Variants in ANXA6 observed in about 807,000 individuals in gnomAD.
ANXA6 encodes annexin A6, also known as 67 kDa calelectrin.
In ANXA6, 71 loss-of-function variants were observed where a neutral mutation model predicts 95.4. The observed-to-expected ratio is 0.74, with a 90% CI of 0.61 to 0.91. The LOEUF (loss-of-function observed/expected upper bound fraction) is 0.91, where lower values mean the gene tolerates loss of function less well. ANXA6 is among the 40% of genes least tolerant of loss of function. The probability of loss-of-function intolerance (pLI) is 0.00; values close to 1 mark genes in which losing one functional copy is unlikely to be tolerated. For synonymous variants in ANXA6, 289 were observed against 315.9 expected, an observed-to-expected ratio of 0.91 and a Z score of 0.90; for missense variants, 830 against 876.4, an observed-to-expected ratio of 0.95 and a Z score of 0.67.
intron 15 of ANXA6, 93 bp from the exon 16 acceptor site, chr5:151,123,104 T>C: frequency 2.6e-6 from 3 of 1,132,474 alleles, no homozygotes; most frequent in Non-Finnish European, 4.0e-6. Flanking sequence ...TCGATCTTTG[T>C]CAGGGTAGAA....
intron 23 of ANXA6, among the ~76,000 whole-genome samples, chr5:151,106,755 A>G (rs1764704242): frequency 6.6e-6 from 1 of 152,182 alleles, no homozygotes; most frequent in Non-Finnish European, 1.5e-5. Flanking sequence ...GGGCTTTATC[A>G]GTCTGGCTAA....
intron 7 of ANXA6, among the ~76,000 whole-genome samples, chr5:151,135,542 G>C (rs139646214): frequency 2.1e-4 from 32 of 152,308 alleles, no homozygotes; most frequent in African/African-American, 7.7e-4. Context: ...GGTCCTTGGA[G>C]CTGAGCTTGA....
Position 151,122,985 on chromosome 5 carries a change from T to C in ANXA6, c.1165A>G (p.Ile389Val), listed in dbSNP as rs754243740. The C allele has an allele frequency of 3.1e-6, 5 of 1,613,750 alleles. No individual in the cohort carries two copies. The Admixed American group carries it at 5.0e-5, about 16-fold the overall frequency. The change falls in exon 16 of 26, where the codon ATC becomes GTC. Residue 389 changes from isoleucine (I) to valine (V), a missense_variant. By Grantham distance (29) the Ile-to-Val change is conservative. Transcript: ENST00000354546. ...TGGACATTGCTGCGGTGCGTGATGATATCGATGATTGTGTCTTCGTCAGTC... is the reference window on the plus strand; with the variant it reads ...TGGACATTGCTGCGGTGCGTGATGACATCGATGATTGTGTCTTCGTCAGTC... ...LGTDEDTIID[I>V]ITHRSNVQRQ...
chr5:151,103,696 G>C lies in ANXA6; in HGVS notation c.1840-4C>G, dbSNP rs41290563. On this transcript the variant is annotated splice_region_variant and splice_polypyrimidine_tract_variant and intron_variant, in intron 24 of 25. Coordinates refer to ENST00000354546, the MANE Select transcript of ANXA6 (RefSeq NM_001155.5). Reference sequence around the variant, plus strand: ...TCTTCTCATCTGTGCCAGCACCCTGGTGGAGCCAGGCAGGAGGGAGACACA... The same window carrying C: ...TCTTCTCATCTGTGCCAGCACCCTGCTGGAGCCAGGCAGGAGGGAGACACA... The C allele has an allele frequency of 8.6e-3, 13,761 of 1,607,078 alleles. 81 individuals are homozygous for C. The highest frequency in any genetic ancestry group is 0.015 in the Middle Eastern group (91 of 6,042).
At chr5:151,133,297 G>A in intron 8 of ANXA6, 110 bp from the exon 9 acceptor site, 1 of 692,124 alleles carries the variant, frequency 1.4e-6, no homozygotes, top group Non-Finnish European at 2.6e-6. Context: ...CGAGTAATTG[G>A]TAGCCTGAAG....
At chr5:151,111,340 G>A (rs533776875) in intron 20 of ANXA6, among the ~76,000 whole-genome samples, 4 of 152,208 alleles carry the variant, frequency 2.6e-5, no homozygotes, top group East Asian at 1.9e-4. Context: ...CCTAGGCTGC[G>A]TATTGCTTTC....
chr5:151,152,459 A>G (rs903273597), intron 1 of ANXA6, among the ~76,000 whole-genome samples: 2 of 152,224 alleles, frequency 1.3e-5, no homozygotes, highest in Non-Finnish European at 2.9e-5. Context: ...TCTCTGCCTC[A>G]GTTTCTTCAT....
chr5:151,138,959 C>T (rs1765747531), intron 4 of ANXA6, 168 bp from the exon 5 acceptor site: 1 of 624,870 alleles, frequency 1.6e-6, no homozygotes, highest in African/African-American at 1.8e-5. Context: ...GAGACAGGCT[C>T]AGAAACAACA....
intron 24 of ANXA6, among the ~76,000 whole-genome samples, chr5:151,104,273 C>A (rs1025493252): frequency 2.6e-5 from 4 of 152,168 alleles, no homozygotes; most frequent in Non-Finnish European, 5.9e-5. Context: ...TTTTGTCACC[C>A]AATTTCTGGA....
intron 10 of ANXA6, among the ~76,000 whole-genome samples, chr5:151,131,714 A>G (rs1466203672): frequency 1.3e-5 from 2 of 152,108 alleles, no homozygotes; most frequent in Non-Finnish European, 2.9e-5. Context: ...TCAAACAGGG[A>G]GGGCAGGGGA....
At chr5:151,125,769 G>C (rs2113921579) in intron 14 of ANXA6, among the ~76,000 whole-genome samples, 1 of 152,234 alleles carries the variant, frequency 6.6e-6, no homozygotes, top group Non-Finnish European at 1.5e-5. Flanking sequence ...GGGGAACACT[G>C]TCCTAGAACA....
chr5:151,157,357 A>G (rs985126629), intron 1 of ANXA6, among the ~76,000 whole-genome samples: 2 of 151,986 alleles, frequency 1.3e-5, no homozygotes, highest in Non-Finnish European at 2.9e-5. Flanking sequence ...GCCCCCCCAA[A>G]TTAAGGCCGG....
At chr5:151,134,250 G>C (rs1765595360) in intron 8 of ANXA6, among the ~76,000 whole-genome samples, 177 bp downstream of exon 8, 1 of 152,204 alleles carries the variant, frequency 6.6e-6, no homozygotes, top group Non-Finnish European at 1.5e-5. Context: ...ATATACCTTT[G>C]AAAGATAACT....
rs1425511151 is a variant in ANXA6 at position 151,108,500 on chromosome 5, T to C, written c.1735A>G (p.Lys579Glu). Reference protein sequence around the residue: ...MTNYDVEHTIKKEMSGDVRDA... With the variant: ...MTNYDVEHTIEKEMSGDVRDA... ...CTGACATCCCCAGACATCTCCTTCTTGATGGTGTGCTCCACGTCATAGTTG... is the reference window on the plus strand; with the variant it reads ...CTGACATCCCCAGACATCTCCTTCTCGATGGTGTGCTCCACGTCATAGTTG... The change falls in exon 23 of 26, where the codon AAG becomes GAG. Residue 579 changes from lysine to glutamate, a missense_variant. Physicochemically the swap from Lys to Glu is moderately conservative, Grantham distance 56 (BLOSUM62 1). Coordinates refer to ENST00000354546, the MANE Select transcript of ANXA6 (RefSeq NM_001155.5). 6.2e-7 allele frequency: 1 copy of C among 1,613,820 alleles called. No individual in the cohort carries two copies. Among genetic ancestry groups the C allele is most frequent in the Non-Finnish European group, 8.5e-7 (1 of 1,179,878 alleles).
At chr5:151,155,541 C>A (rs551940046) in intron 1 of ANXA6, 11 of 152,270 alleles carry the variant, frequency 7.2e-5, no homozygotes, top group South Asian at 2.1e-4. Context: ...CATAAAGACA[C>A]CCCTCCGACT....
intron 1 of ANXA6, 52 bp from the exon 2 acceptor site, chr5:151,147,978 C>T: frequency 1.3e-6 from 2 of 1,502,978 alleles, no homozygotes; most frequent in Non-Finnish European, 1.8e-6. Flanking sequence ...TAACCATCCC[C>T]TTTCTTTCCC....
rs1764539091 is a variant in ANXA6, at chr5:151,101,237, C to CGGTT, written c.*207_*210dup. ...TGGAGGTGGACAGGATCTATGGCTA[C>CGGTT]GGTTTTTCAGCCGCTCAGCCGTGCT... On this transcript the variant is annotated 3_prime_UTR_variant, in exon 26 of 26. Coordinates refer to ENST00000354546, the MANE Select transcript of ANXA6 (RefSeq NM_001155.5). 6 of 621,542 alleles carry CGGTT rather than the reference C, an allele frequency of 9.7e-6. No homozygotes were observed. Among genetic ancestry groups the CGGTT allele is most frequent in the African/African-American group, 5.5e-5 (3 of 54,310 alleles). 38.5% of individuals were successfully genotyped at this position (621,542 alleles called of 1,614,324 possible).
At chr5:151,134,724 A>C (rs1007214230) in intron 7 of ANXA6, among the ~76,000 whole-genome samples, 1 of 152,038 alleles carries the variant, frequency 6.6e-6, no homozygotes, top group Admixed American at 6.5e-5. Context: ...TCCCAAGAAC[A>C]ACCAAGGTTC....
At chr5:151,122,639 C>G (rs1765201977) in intron 16 of ANXA6, among the ~76,000 whole-genome samples, 1 of 152,238 alleles carries the variant, frequency 6.6e-6, no homozygotes, top group Admixed American at 6.5e-5. Flanking sequence ...CCAAAGCACA[C>G]TGAAAACAAC....
Sources: allele counts gnomAD v4.1 joint callset (sites outside exome capture counted in the v4.1 genomes callset), GRCh38; gene constraint gnomAD v4.1.1; transcripts MANE v1.5; gene names NCBI Gene and HGNC (gene_info 2026-07-23, HGNC 2026-07-21).